The following SLC67A1 variants were observed in gnomAD, a reference collection of about 807,000 sequenced individuals.
SLC67A1 encodes solute carrier family 67 member A1.
chr11:2,911,521 C>T, the SLC67A1 span, among the ~76,000 whole-genome samples: 2 of 152,054 alleles, frequency 1.3e-5, no homozygotes, highest in Non-Finnish European at 2.9e-5. Flanking sequence ...GAGGAGGGCA[C>T]GGGGAGGAGC....
the SLC67A1 span, among the ~76,000 whole-genome samples, chr11:2,900,442 C>T: frequency 6.6e-6 from 1 of 151,628 alleles, no homozygotes; most frequent in Non-Finnish European, 1.5e-5. Flanking sequence ...CCTGTAATCC[C>T]AGCACTTTGG....
At chr11:2,912,035 C>A in the SLC67A1 span, among the ~76,000 whole-genome samples, 2 of 152,192 alleles carry the variant, frequency 1.3e-5, no homozygotes, top group Admixed American at 6.5e-5. Flanking sequence ...GAGGGGTAAC[C>A]GAGGCCCAGG....
At chr11:2,909,601 C>T in the SLC67A1 span, 2 of 1,531,020 alleles carry the variant, frequency 1.3e-6, no homozygotes, top group African/African-American at 1.4e-5. Flanking sequence ...CATCACGGAC[C>T]TGTCGGCACC....
At chr11:2,925,045 C>G in the SLC67A1 span, 2 of 1,613,484 alleles carry the variant, frequency 1.2e-6, no homozygotes, top group South Asian at 2.2e-5. The surrounding 1 kb of genome is among the most constrained non-coding windows in gnomAD (Gnocchi z 6.5). Context: ...TGTACAACCA[C>G]TGCTCCGAAC....
chr11:2,917,914 G>A, the SLC67A1 span: 21 of 1,215,434 alleles, frequency 1.7e-5, no homozygotes, highest in African/African-American at 4.6e-5. Flanking sequence ...TCCGAATGGC[G>A]AGGCCTGCAG....
chr11:2,919,606 A>T, the SLC67A1 span: 1 of 571,152 alleles, frequency 1.8e-6, no homozygotes, highest in Non-Finnish European at 3.1e-6. Flanking sequence ...CTGTGAGGAC[A>T]GTGGACTCCG....
the SLC67A1 span, among the ~76,000 whole-genome samples, chr11:2,913,418 G>A: frequency 6.6e-6 from 1 of 152,174 alleles, no homozygotes; most frequent in Non-Finnish European, 1.5e-5. Context: ...GGGCAGGAGG[G>A]AGCTTGTGGT....
the SLC67A1 span, chr11:2,909,512 CGGG>C: frequency 1.6e-6 from 1 of 634,882 alleles, no homozygotes; most frequent in Non-Finnish European, 2.0e-6. Context: ...TGTGGAGGGG[CGGG>C]TCAGGGGGGG....
At chr11:2,911,145 C>T in the SLC67A1 span, among the ~76,000 whole-genome samples, 1 of 152,144 alleles carries the variant, frequency 6.6e-6, no homozygotes, top group African/African-American at 2.4e-5. Context: ...CAGCACCACC[C>T]CCTCAAGTCA....
chr11:2,907,139 T>C, the SLC67A1 span, among the ~76,000 whole-genome samples: 6 of 151,016 alleles, frequency 4.0e-5, no homozygotes, highest in African/African-American at 1.5e-4. The surrounding 1 kb of genome is among the most constrained non-coding windows in gnomAD (Gnocchi z 6.7). Flanking sequence ...CTGGGGAGAA[T>C]TCGTGTGGAC....
the SLC67A1 span, chr11:2,899,955 C>T: frequency 2.1e-6 from 1 of 483,822 alleles, no homozygotes; most frequent in African/African-American, 1.9e-5. Flanking sequence ...GCGTCTGGAA[C>T]CTGTTGGGGA....
chr11:2,909,731 C>T, the SLC67A1 span: 1 of 1,472,042 alleles, frequency 6.8e-7, no homozygotes, highest in South Asian at 1.3e-5. Flanking sequence ...GGGGCCGGGG[C>T]GGAGTCTGTG....
At chr11:2,909,392 G>C in the SLC67A1 span, 1 of 1,499,706 alleles carries the variant, frequency 6.7e-7, no homozygotes, top group Admixed American at 2.2e-5. Flanking sequence ...GGTGGGGCCG[G>C]GTCGGGGGCA....
At chr11:2,903,534 C>T in the SLC67A1 span, 1 of 1,603,538 alleles carries the variant, frequency 6.2e-7, no homozygotes, top group Non-Finnish European at 8.5e-7. Flanking sequence ...CAGGGCTGAA[C>T]CGCTGTTCCT....
At chr11:2,914,907 G>A in the SLC67A1 span, 1 of 985,424 alleles carries the variant, frequency 1.0e-6, no homozygotes, top group Non-Finnish European at 1.2e-6. Context: ...TGTGCCTGCT[G>A]GCTGGAGGGA....
the SLC67A1 span, chr11:2,903,589 T>C: frequency 7.3e-7 from 1 of 1,378,226 alleles, no homozygotes; most frequent in Non-Finnish European, 1.0e-6. Flanking sequence ...GGTGGGGGTT[T>C]CATGCTGCCA....
chr11:2,924,911 G>T, the SLC67A1 span: 4 of 1,107,094 alleles, frequency 3.6e-6, no homozygotes, highest in Middle Eastern at 3.1e-4. The surrounding 1 kb of genome is among the most constrained non-coding windows in gnomAD (Gnocchi z 8.6). Flanking sequence ...GTGAGGTCAG[G>T]GTGGGTCAGG....
the SLC67A1 span, chr11:2,916,936 A>T: frequency 1.8e-6 from 1 of 558,378 alleles, no homozygotes; most frequent in Non-Finnish European, 3.2e-6. Flanking sequence ...GAAGAGGTGG[A>T]AGTGGGGCTC....
At chr11:2,919,551 G>A in the SLC67A1 span, 2 of 642,934 alleles carry the variant, frequency 3.1e-6, no homozygotes, top group Non-Finnish European at 5.6e-6. Context: ...CAGGGAACCA[G>A]GCATACAGGC....
Sources: allele counts gnomAD v4.1 joint callset (sites outside exome capture counted in the v4.1 genomes callset), GRCh38; gene constraint gnomAD v4.1.1; non-coding constraint Gnocchi (gnomAD v3.1); transcripts MANE v1.5; gene names NCBI Gene and HGNC (gene_info 2026-07-23, HGNC 2026-07-21).